The following SEMA6D variants were observed in gnomAD, a reference collection of about 807,000 sequenced individuals.
SEMA6D encodes the protein semaphorin 6D.
Under a neutral mutation model 106.6 loss-of-function variants are expected in SEMA6D, and 35 were observed. The observed-to-expected ratio is 0.33, with a 90% CI of 0.25 to 0.44. The LOEUF is 0.44. Among genes scored for constraint, SEMA6D ranks in the 20% least tolerant of loss-of-function variants. SEMA6D has a pLI of 1.00. For missense variants in SEMA6D, 1,185 were observed against 1,345.9 expected (o/e 0.88, Z 1.87); for synonymous variants, 499 against 487.7 (o/e 1.02, Z -0.31).
At chr15:47,323,838 T>C (rs988611433) in intron 1 of SEMA6D, among the ~76,000 whole-genome samples, 2 of 152,194 alleles carry the variant, frequency 1.3e-5, no homozygotes, top group Non-Finnish European at 2.9e-5. Flanking sequence ...ATTTTATATC[T>C]ACTAAAATTA....
intron 4 of SEMA6D, among the ~76,000 whole-genome samples, chr15:47,647,308 C>T (rs1865649): frequency 0.2 from 30,627 of 152,136 alleles, 3,794 homozygotes; most frequent in Non-Finnish European, 0.27. Flanking sequence ...AGTTTGTTTT[C>T]ATGCAGTGAG....
intron 3 of SEMA6D, among the ~76,000 whole-genome samples, chr15:47,519,627 A>C (rs2044505951): frequency 6.6e-6 from 1 of 152,224 alleles, no homozygotes; most frequent in Admixed American, 6.5e-5. Context: ...AGGCGCACCT[A>C]CTTGCCCAGG....
At chr15:47,458,252 T>A (rs549104210) in intron 2 of SEMA6D, among the ~76,000 whole-genome samples, 1 of 151,990 alleles carries the variant, frequency 6.6e-6, no homozygotes, top group East Asian at 1.9e-4. Flanking sequence ...TCACCATATA[T>A]GCGGTAGTAT....
chr15:47,698,462 A>G (rs367556988), intron 4 of SEMA6D, among the ~76,000 whole-genome samples: 52 of 152,352 alleles, frequency 3.4e-4, no homozygotes, highest in African/African-American at 1.2e-3. Flanking sequence ...CATGGCTTCC[A>G]GGCTACTAAA....
chr15:47,693,122 A>G (rs180687386), intron 4 of SEMA6D, among the ~76,000 whole-genome samples: 133 of 152,284 alleles, frequency 8.7e-4, no homozygotes, highest in Non-Finnish European at 1.3e-3. Flanking sequence ...TCAAGTTAAA[A>G]TGAGGTTGTT....
At chr15:47,426,027 T>A (rs1442427345) in intron 2 of SEMA6D, among the ~76,000 whole-genome samples, 4 of 152,154 alleles carry the variant, frequency 2.6e-5, no homozygotes, top group African/African-American at 4.8e-5. Context: ...ACTCCTTAGT[T>A]ATGCTCTATA....
At chr15:47,613,448 T>C (rs1198112366) in intron 4 of SEMA6D, among the ~76,000 whole-genome samples, 1 of 152,160 alleles carries the variant, frequency 6.6e-6, no homozygotes, top group East Asian at 1.9e-4. Context: ...TAAAATTCTC[T>C]CGGAGGAAGA....
chr15:47,251,522 A>G (rs2033511618), intron 1 of SEMA6D, among the ~76,000 whole-genome samples: 1 of 152,192 alleles, frequency 6.6e-6, no homozygotes, highest in Non-Finnish European at 1.5e-5. Context: ...GCCATCCTAA[A>G]TCATGTATAA....
chr15:47,418,475 G>T (rs964859748), intron 2 of SEMA6D, among the ~76,000 whole-genome samples: 6 of 152,042 alleles, frequency 3.9e-5, no homozygotes, highest in African/African-American at 1.2e-4. Context: ...TTGTTCATAG[G>T]CCGAGCCTTC....
chr15:47,400,537 C>T lies in SEMA6D; in HGVS notation c.-238-11856C>T, dbSNP rs111490749. On this transcript the variant is annotated intron_variant, in intron 1 of 19. Transcript: ENST00000558014. ...ATACACTTTTATTTAACATTCCTTGCAATGCTATGAGGCAGGCATTATTCC... is the reference window on the plus strand; with the variant it reads ...ATACACTTTTATTTAACATTCCTTGTAATGCTATGAGGCAGGCATTATTCC... Among the ~76,000 whole-genome samples the T allele has an allele frequency of 4.3e-3, 643 of 150,474 alleles. 9 individuals are homozygous for T. The highest frequency in any genetic ancestry group is 0.014 in the African/African-American group (565 of 41,070).
chr15:47,529,647 T>A (rs923954837), intron 3 of SEMA6D, among the ~76,000 whole-genome samples: 3 of 150,614 alleles, frequency 2.0e-5, no homozygotes, highest in Non-Finnish European at 4.4e-5. Context: ...TGAGGCACAC[T>A]TTTTTACTTT....
intron 1 of SEMA6D, chr15:47,380,685 A>G (rs186792176): frequency 6.6e-6 from 1 of 152,400 alleles, no homozygotes; most frequent in East Asian, 1.9e-4. Context: ...GCATGGAAGT[A>G]TACAGGCTTA....
At chr15:47,208,015 AC>A (rs2141176345) in intron 1 of SEMA6D, among the ~76,000 whole-genome samples, 1 of 144,796 alleles carries the variant, frequency 6.9e-6, no homozygotes, top group South Asian at 2.2e-4. Context: ...ACACACACAC[AC>A]ACACACACAC....
At chr15:47,346,450 T>A (rs542358541) in intron 1 of SEMA6D, among the ~76,000 whole-genome samples, 1,845 of 152,270 alleles carry the variant, frequency 0.012, 42 homozygotes, top group African/African-American at 0.043. Context: ...TCCCTAAAAC[T>A]TTTTCCATGA....
chr15:47,683,137 G>A (rs913918151), intron 4 of SEMA6D, among the ~76,000 whole-genome samples: 4 of 152,046 alleles, frequency 2.6e-5, no homozygotes, highest in Non-Finnish European at 4.4e-5. Context: ...GTGAGGTTTG[G>A]GCTTAGAGTG....
chr15:47,544,361 C>G (rs2045450635), intron 3 of SEMA6D, among the ~76,000 whole-genome samples: 1 of 152,036 alleles, frequency 6.6e-6, no homozygotes. Context: ...GAATAACTGT[C>G]GTTATCATCT....
chr15:47,285,539 C>T (rs1209861312), intron 1 of SEMA6D, among the ~76,000 whole-genome samples: 1 of 151,910 alleles, frequency 6.6e-6, no homozygotes. Context: ...GACCCTGAAA[C>T]TGTGCAGATC....
At chr15:47,184,994 T>A (rs563697347) in intron 1 of SEMA6D, among the ~76,000 whole-genome samples, 171 of 151,440 alleles carry the variant, frequency 1.1e-3, no homozygotes, top group African/African-American at 4.1e-3. Context: ...TTCCTTGGGG[T>A]TTAGAGGGGA....
At chr15:47,317,605 G>T (rs2143478632) in intron 1 of SEMA6D, among the ~76,000 whole-genome samples, 1 of 152,160 alleles carries the variant, frequency 6.6e-6, no homozygotes, top group African/African-American at 2.4e-5. Context: ...CACTTTTGAA[G>T]AATAATTTTG....
Sources: gnomAD v4.1 joint callset for allele counts (sites outside exome capture counted in the v4.1 genomes callset) on GRCh38, gnomAD v4.1.1 for gene constraint, MANE v1.5 for transcripts, NCBI Gene and HGNC (gene_info 2026-07-23, HGNC 2026-07-21) for gene names.